NGLY1: variants seen among roughly 807,000 people sequenced by gnomAD.
NGLY1 encodes the protein N-glycanase 1.
NGLY1 carries 68 observed loss-of-function variants against 84.6 expected under a neutral mutation model. The ratio of observed to expected loss-of-function variants is 0.80; its 90% CI spans 0.66 to 0.98. The LOEUF (loss-of-function observed/expected upper bound fraction) is 0.98. NGLY1 is among the 50% of genes least tolerant of loss of function. NGLY1 has a pLI of 0.00. For synonymous variants in NGLY1, 280 were observed against 275.2 expected (o/e 1.02, Z -0.17); for missense variants, 779 against 770.2 (o/e 1.01, Z -0.14).
Position 25,739,770 on chromosome 3 carries a change from A to G in NGLY1, c.688T>C (p.Leu230=), listed in dbSNP as rs754797226. Reference sequence around the variant, plus strand: ...TTAAACCAGTGCAAAAGCTCCAGCAAAAGAAAATCCTCATCACTTATATTG... The same window carrying G: ...TTAAACCAGTGCAAAAGCTCCAGCAGAAGAAAATCCTCATCACTTATATTG... The part of the protein sequence containing the change: ...GINISDEDFL[L]LELLHWFKEE... Residue 230 remains leucine, a synonymous_variant, in exon 5 of 12, where the codon TTG becomes CTG. Transcript: ENST00000280700. The G allele has an allele frequency of 1.2e-5, 20 of 1,613,918 alleles. No individual in the cohort carries two copies. Among genetic ancestry groups the G allele is most frequent in the Non-Finnish European group, 1.7e-5 (20 of 1,180,002 alleles).
At position 25,778,560 on chromosome 3, in the gene NGLY1, T is replaced by A; in HGVS notation, c.246+14A>T. On this transcript the variant is annotated intron_variant, in intron 2 of 11. Transcript: ENST00000280700. ...TGCATGAAGAGGGGAGAGGAAATCCTTGAACATACTTACCTCTTCAAAGCC... is the reference window on the plus strand; with the variant it reads ...TGCATGAAGAGGGGAGAGGAAATCCATGAACATACTTACCTCTTCAAAGCC... 1 of 1,508,346 alleles carries A rather than the reference T, an allele frequency of 6.6e-7. No individual in the cohort carries two copies. 93.4% of individuals were successfully genotyped at this position (1,508,346 alleles called of 1,614,324 possible).
Position 25,771,152 on chromosome 3 carries a change from T to C in NGLY1, c.247-6841A>G, listed in dbSNP as rs189627897. 3.9e-3 allele frequency among the ~76,000 whole-genome samples: 592 copies of C among 152,338 alleles called. 1 individual carries two copies. Among genetic ancestry groups the C allele is most frequent in the Admixed American group, 5.8e-3 (89 of 15,304 alleles). On this transcript the variant is annotated intron_variant, in intron 2 of 11. Coordinates refer to ENST00000280700, the MANE Select transcript of NGLY1 (RefSeq NM_018297.4). Reference sequence around the variant, plus strand: ...GTCTAGACTAGTTTTTCTGATGTTATCTTCTAGAATTTTTTATGGTTCCAG... The same window carrying C: ...GTCTAGACTAGTTTTTCTGATGTTACCTTCTAGAATTTTTTATGGTTCCAG...
At chr3:25,752,658 A>T (rs930789726) in intron 3 of NGLY1, among the ~76,000 whole-genome samples, 1 of 151,838 alleles carries the variant, frequency 6.6e-6, no homozygotes, top group Non-Finnish European at 1.5e-5. Flanking sequence ...AAAAAAAAAA[A>T]AATTAAGTAG....
chr3:25,750,582 T>C (rs1471801806), intron 4 of NGLY1, among the ~76,000 whole-genome samples: 1 of 152,152 alleles, frequency 6.6e-6, no homozygotes, highest in Non-Finnish European at 1.5e-5. Context: ...TATGACTATA[T>C]TTAATAACAC....
intron 1 of NGLY1, among the ~76,000 whole-genome samples, chr3:25,788,827 C>T (rs144020070): frequency 4.6e-5 from 7 of 152,254 alleles, no homozygotes; most frequent in South Asian, 2.1e-4. Flanking sequence ...AGGCCTGGGA[C>T]GAAGGTCAAA....
At chr3:25,729,430 A>G (rs1559531323) in intron 9 of NGLY1, 112 bp from the exon 10 acceptor site, 7 of 550,040 alleles carry the variant, frequency 1.3e-5, no homozygotes, top group Non-Finnish European at 2.0e-5. Flanking sequence ...AAAAGAAAAA[A>G]TTAGTGCCAT....
At chr3:25,749,065 CATGGCTACTATTGAAAAAT>C (rs1208354414) in intron 4 of NGLY1, among the ~76,000 whole-genome samples, 1 of 152,142 alleles carries the variant, frequency 6.6e-6, no homozygotes, top group Non-Finnish European at 1.5e-5. Context: ...TCCCCATTAG[CATGGCTACTATTGAAAAAT>C]CAGAAAATAA....
At chr3:25,731,049 T>C (rs1251027646) in intron 9 of NGLY1, among the ~76,000 whole-genome samples, 7 of 152,110 alleles carry the variant, frequency 4.6e-5, no homozygotes, top group Admixed American at 2.0e-4. Context: ...ATGGAAATTA[T>C]ATTTCCATTG....
intron 7 of NGLY1, 28 bp downstream of exon 7, chr3:25,735,975 GA>G (rs34907167): frequency 5.1e-6 from 8 of 1,554,810 alleles, no homozygotes; most frequent in Non-Finnish European, 6.9e-6. Flanking sequence ...TTTACTTTTG[GA>G]AAAAAGTTTT....
intron 7 of NGLY1, 109 bp downstream of exon 7, chr3:25,735,895 T>C: frequency 1.0e-6 from 1 of 971,982 alleles, no homozygotes; most frequent in Non-Finnish European, 1.5e-6. Flanking sequence ...AACTGTACAA[T>C]TTAAATATAT....
At chr3:25,749,432 G>C in intron 4 of NGLY1, 1 of 986,892 alleles carries the variant, frequency 1.0e-6, no homozygotes, top group East Asian at 2.4e-5. Flanking sequence ...AAGGAAGGAA[G>C]CTCTCTCCTC....
chr3:25,775,999 T>C (rs1398054748), intron 2 of NGLY1, among the ~76,000 whole-genome samples: 1 of 152,240 alleles, frequency 6.6e-6, no homozygotes, highest in Non-Finnish European at 1.5e-5. Flanking sequence ...ATAATTATTC[T>C]TTAAAAAGTC....
At chr3:25,780,621 G>GT (rs1237182500) in intron 1 of NGLY1, among the ~76,000 whole-genome samples, 2 of 151,998 alleles carry the variant, frequency 1.3e-5, no homozygotes, top group Non-Finnish European at 2.9e-5. Context: ...TTCTCATATA[G>GT]TTTTTGTTTT....
At chr3:25,758,147 T>C (rs1707131687) in intron 3 of NGLY1, among the ~76,000 whole-genome samples, 1 of 152,204 alleles carries the variant, frequency 6.6e-6, no homozygotes, top group African/African-American at 2.4e-5. Context: ...GCATAAGCAC[T>C]TCAACAGCTA....
Position 25,783,218 on chromosome 3 carries a change from C to T in NGLY1, c.131+42G>A. 1.3e-6 allele frequency: 2 copies of T among 1,571,012 alleles called. No homozygotes were observed. Among genetic ancestry groups the T allele is most frequent in the Middle Eastern group, 1.9e-4 (1 of 5,250 alleles). On this transcript the variant is annotated intron_variant, in intron 1 of 11. Transcript: ENST00000280700. This position sits in a 1 kb window ranked among gnomAD's most constrained non-coding sequence, Gnocchi z 4.5. ...CCTGGCCGAACAAGGTGCCGCGGCC[C>T]ACCCACCCCGGTACCCGCCGTCCGA...
intron 1 of NGLY1, among the ~76,000 whole-genome samples, chr3:25,779,996 G>A (rs1301333155): frequency 6.6e-6 from 1 of 152,150 alleles, no homozygotes; most frequent in Non-Finnish European, 1.5e-5. Context: ...GAAGCAAGAA[G>A]TAGAGAAATT....
chr3:25,723,124 A>C (rs188975032), intron 10 of NGLY1, among the ~76,000 whole-genome samples: 57 of 152,326 alleles, frequency 3.7e-4, no homozygotes, highest in African/African-American at 1.3e-3. Context: ...CGTTAACTTC[A>C]AATCTAGCTT....
intron 2 of NGLY1, 33 bp from the exon 3 acceptor site, chr3:25,764,344 C>T (rs1023393532): frequency 4.4e-6 from 7 of 1,597,262 alleles, no homozygotes; most frequent in Non-Finnish European, 6.0e-6. Flanking sequence ...AAATGTGAAC[C>T]TTTGCTTTAT....
intron 4 of NGLY1, among the ~76,000 whole-genome samples, chr3:25,746,795 T>G (rs1706457773): frequency 6.6e-6 from 1 of 152,228 alleles, no homozygotes; most frequent in South Asian, 2.1e-4. Context: ...CTATGCTATT[T>G]CTCACTGAAG....
Sources: allele counts gnomAD v4.1 joint callset (sites outside exome capture counted in the v4.1 genomes callset), GRCh38; gene constraint gnomAD v4.1.1; non-coding constraint Gnocchi (gnomAD v3.1); transcripts MANE v1.5; gene names NCBI Gene and HGNC (gene_info 2026-07-23, HGNC 2026-07-21).